Variants in ATP6AP2 observed in about 807,000 individuals in gnomAD.
The protein encoded by ATP6AP2 is ATPase H+ transporting accessory protein 2.
Under a neutral mutation model 23.4 loss-of-function variants are expected in ATP6AP2, and 1 was observed. The observed-to-expected ratio is 0.04, with a 90% confidence interval of 0.02 to 0.20. The LOEUF (loss-of-function observed/expected upper bound fraction) is 0.20. Ranked by LOEUF, ATP6AP2 falls within the 10% of genes least tolerant of loss-of-function variation. The pLI is 1.00. For missense variants in ATP6AP2, 174 were observed against 271.3 expected (o/e 0.64, Z 2.52); for synonymous variants, 90 against 97.1 (o/e 0.93, Z 0.43).
chrX:40,597,443 T>A (rs970665566), intron 4 of ATP6AP2, 84 bp from the exon 5 acceptor site: 199 of 1,085,060 alleles, frequency 1.8e-4, no homozygotes, highest in Non-Finnish European at 2.5e-4. Context: ...TAAAACTAAT[T>A]TATGAACAAT....
intron 1 of ATP6AP2, 105 bp from the exon 2 acceptor site, chrX:40,588,881 C>T (rs1014705070): frequency 1.9e-5 from 17 of 910,446 alleles, no homozygotes; most frequent in East Asian, 1.6e-4. Flanking sequence ...TAATTTAATA[C>T]GCTAAGTCAG....
In ATP6AP2 at chrX:40,599,756, G is replaced by A. The variant is rs777239225; in HGVS notation, c.738+15G>A. 7 of 1,208,791 alleles carry A rather than the reference G, an allele frequency of 5.8e-6. No homozygotes were observed. The highest frequency in any genetic ancestry group is 7.8e-6 in the Non-Finnish European group (7 of 894,103). ...CTCTGCAAAAGGTAAATATCAATGCGACATGAGAGGTTGGAGTATGACCAT... is the reference window on the plus strand; with the variant it reads ...CTCTGCAAAAGGTAAATATCAATGCAACATGAGAGGTTGGAGTATGACCAT... On this transcript the variant is annotated intron_variant, in intron 7 of 8. Coordinates refer to ENST00000636580, the MANE Select transcript of ATP6AP2 (RefSeq NM_005765.3).
chrX:40,587,221 T>C (rs757160928), intron 1 of ATP6AP2, among the ~76,000 whole-genome samples: 4 of 111,922 alleles, frequency 3.6e-5, no homozygotes, highest in Non-Finnish European at 7.5e-5. Flanking sequence ...AGTGAGCCAA[T>C]ATTGTGCCAC....
At chrX:40,598,879 G>T in intron 6 of ATP6AP2, 145 bp downstream of exon 6, 1 of 574,517 alleles carries the variant, frequency 1.7e-6, no homozygotes, top group East Asian at 3.4e-5. Context: ...TGGCAATATT[G>T]GGAATTTTGA....
chrX:40,585,571 C>T (rs991672019), intron 1 of ATP6AP2, among the ~76,000 whole-genome samples: 1 of 111,103 alleles, frequency 9.0e-6, no homozygotes. Flanking sequence ...AAGGTGTGGG[C>T]GGCCAGGTGG....
chrX:40,584,479 C>G (rs942599736), intron 1 of ATP6AP2, among the ~76,000 whole-genome samples: 16 of 107,507 alleles, frequency 1.5e-4, no homozygotes, highest in African/African-American at 5.1e-4. Flanking sequence ...TCAAGTGATT[C>G]TTGTCCCTCA....
rs1927074080 is a variant in ATP6AP2 at position 40,606,505 on chromosome X, T to C, written c.*750T>C. The C allele has an allele frequency of 8.9e-6, 1 of 112,549 alleles. No individual in the cohort carries two copies. The highest frequency in any genetic ancestry group is 9.5e-5 in the Admixed American group (1 of 10,575). 9.3% of individuals were successfully genotyped at this position (112,549 alleles called of 1,213,427 possible). A position where few individuals can be genotyped will look rare whatever the true frequency, so the allele number is the denominator to read the frequency against. Reference sequence around the variant, plus strand: ...TTTATTTCAGTAACTTTTCCCCCTGTGTAAGTTACTATGGTTTGTGGTACA... The same window carrying C: ...TTTATTTCAGTAACTTTTCCCCCTGCGTAAGTTACTATGGTTTGTGGTACA... On this transcript the variant is annotated 3_prime_UTR_variant, in exon 9 of 9. Coordinates refer to ENST00000636580, the MANE Select transcript of ATP6AP2 (RefSeq NM_005765.3).
rs7691 is a variant in ATP6AP2 at position 40,600,788 on chromosome X, T to C, written c.765T>C (p.Tyr255=). The change falls in exon 8 of 9, where the codon TAT becomes TAC. Residue 255 remains tyrosine, a synonymous_variant. Coordinates refer to ENST00000636580, the MANE Select transcript of ATP6AP2 (RefSeq NM_005765.3). ...TTGCAGATGACATGTACAGTCTTTA[T>C]GGTGGGAATGCAGTGGTAGAGTTAG... ...QKFADDMYSL[Y]GGNAVVELVT... The C allele has an allele frequency of 0.035, 42,731 of 1,205,544 alleles. 3,690 individuals are homozygous for C. The highest frequency in any genetic ancestry group is 0.31 in the African/African-American group (17,565 of 56,822).
At position 40,591,338 on chromosome X, in the gene ATP6AP2, C is replaced by A. The variant is rs1250338453; in HGVS notation, c.273C>A (p.Gly91=). 1 of 1,211,116 alleles carries A rather than the reference C, an allele frequency of 8.3e-7. No homozygotes were observed. The highest frequency in any genetic ancestry group is 2.2e-5 in the Admixed American group (1 of 46,054). The change falls in exon 3 of 9, where the codon GGC becomes GGA. Residue 91 remains glycine, a synonymous_variant. Coordinates refer to ENST00000636580, the MANE Select transcript of ATP6AP2 (RefSeq NM_005765.3). ...KGVNKLALPP[G]SVISYPLENA... The stretch of plus-strand genomic sequence containing the variant: ...TGAACAAACTGGCTCTACCCCCAGG[C>A]AGTGTCATTTCGTACCCTTTGGAGA...
intron 1 of ATP6AP2, 119 bp downstream of exon 1, chrX:40,581,221 C>A: frequency 2.5e-6 from 2 of 788,421 alleles, no homozygotes; most frequent in Non-Finnish European, 3.3e-6. Context: ...GGTCCGTCAG[C>A]GGCGGCCTCG....
intron 3 of ATP6AP2, among the ~76,000 whole-genome samples, chrX:40,593,958 A>T (rs754345373): frequency 3.6e-4 from 40 of 112,147 alleles, no homozygotes; most frequent in Non-Finnish European, 1.5e-4. Context: ...TTGGATATAT[A>T]TACCCAGAAG....
intron 2 of ATP6AP2, 71 bp from the exon 3 acceptor site, chrX:40,591,163 A>G: frequency 8.5e-7 from 1 of 1,172,344 alleles, no homozygotes. Flanking sequence ...AACTCTGCTT[A>G]TTAGATGTTA....
chrX:40,586,979 G>T (rs1170526974), intron 1 of ATP6AP2, among the ~76,000 whole-genome samples: 2 of 112,536 alleles, frequency 1.8e-5, no homozygotes, highest in Non-Finnish European at 1.9e-5. Flanking sequence ...AAATGTGTAT[G>T]GTACCTGGGG....
In ATP6AP2 at chrX:40,606,115, GCTTAA is replaced by G. The variant is rs1305456690; in HGVS notation, c.*364_*368del. Reference sequence around the variant, plus strand: ...GAATTTATTAGACAAACTTACGAATGCTTAACTTCTTTACACAGCATAGGTGAAAA... The same window carrying G: ...GAATTTATTAGACAAACTTACGAATGCTTCTTTACACAGCATAGGTGAAAA... On this transcript the variant is annotated 3_prime_UTR_variant, in exon 9 of 9. Coordinates refer to ENST00000636580, the MANE Select transcript of ATP6AP2 (RefSeq NM_005765.3). 3.6e-5 allele frequency: 7 copies of G among 193,522 alleles called. No individual in the cohort carries two copies. Among genetic ancestry groups the G allele is most frequent in the Non-Finnish European group, 6.6e-5 (7 of 105,698 alleles). The allele number at this position is 193,522 out of a possible 1,213,427, so 15.9% of individuals were successfully genotyped here.
At chrX:40,599,092 C>T in intron 6 of ATP6AP2, 1 of 239,715 alleles carries the variant, frequency 4.2e-6, no homozygotes, top group Non-Finnish European at 7.4e-6. Flanking sequence ...TGCTGTCAGT[C>T]AAGTCAAGAA....
chrX:40,593,362 G>A (rs1261220036), intron 3 of ATP6AP2, among the ~76,000 whole-genome samples: 1 of 111,740 alleles, frequency 8.9e-6, no homozygotes, highest in East Asian at 2.8e-4. Context: ...TACAAGTGAG[G>A]TCATGTAGTA....
rs1481820914 is a variant in ATP6AP2 at position 40,602,034 on chromosome X, C to CT, written c.858+1153_858+1154insT. On this transcript the variant is annotated intron_variant, in intron 8 of 8. Coordinates refer to ENST00000636580, the MANE Select transcript of ATP6AP2 (RefSeq NM_005765.3). Reference sequence around the variant, plus strand: ...TGGTGGCTCACGCCTGTAATCCCAGCACTTTGGGAGGTTGAGGCGGGCGGA... The same window carrying CT: ...TGGTGGCTCACGCCTGTAATCCCAGCTACTTTGGGAGGTTGAGGCGGGCGGA... Among the ~76,000 whole-genome samples, 478 of 106,480 alleles carry CT rather than the reference C, an allele frequency of 4.5e-3. 11 individuals are homozygous for CT. The highest frequency in any genetic ancestry group is 0.013 in the African/African-American group (354 of 26,241). The allele number at this position is 106,480 out of a possible 115,157, so 92.5% of individuals were successfully genotyped here.
intron 3 of ATP6AP2, chrX:40,596,954 G>C (rs112695938): frequency 1.2e-5 from 3 of 244,222 alleles, no homozygotes; most frequent in African/African-American, 5.6e-5. Context: ...ATGTATTGCT[G>C]CTTCAAATAC....
At chrX:40,596,472 G>C (rs1392324472) in intron 3 of ATP6AP2, among the ~76,000 whole-genome samples, 1 of 111,037 alleles carries the variant, frequency 9.0e-6, no homozygotes, top group African/African-American at 3.3e-5. Context: ...ATAGAAGTCA[G>C]AATTTTTGTT....
Sources: allele counts gnomAD v4.1 joint callset (sites outside exome capture counted in the v4.1 genomes callset), GRCh38; gene constraint gnomAD v4.1.1; transcripts MANE v1.5; gene names NCBI Gene and HGNC (gene_info 2026-07-23, HGNC 2026-07-21).